Variants in ZSWIM5 observed in about 807,000 individuals in gnomAD.
ZSWIM5 encodes the protein zinc finger SWIM-type containing 5.
Under a neutral mutation model 119.6 loss-of-function variants are expected in ZSWIM5, and 55 were observed. That is an observed-to-expected ratio of 0.46 (90% confidence interval 0.37 to 0.58). The LOEUF (loss-of-function observed/expected upper bound fraction) is 0.58. ZSWIM5 is among the 20% of genes least tolerant of loss of function. The pLI is 0.00. For synonymous variants in ZSWIM5, 537 were observed against 606.9 expected (o/e 0.88, Z 1.69); for missense variants, 1,193 against 1,512.8 (o/e 0.79, Z 3.51).
chr1:45,146,776 C>T (rs1645764454), intron 1 of ZSWIM5, among the ~76,000 whole-genome samples: 1 of 152,024 alleles, frequency 6.6e-6, no homozygotes, highest in Non-Finnish European at 1.5e-5. Context: ...ACTATAAGCT[C>T]CATTGGCCAG....
intron 11 of ZSWIM5, among the ~76,000 whole-genome samples, chr1:45,034,074 C>T (rs1644968282): frequency 1.3e-5 from 2 of 152,110 alleles, no homozygotes; most frequent in Non-Finnish European, 2.9e-5. Context: ...AGGATGGTCT[C>T]GATCTCTTGA....
At chr1:45,080,224 C>T (rs1050077540) in intron 2 of ZSWIM5, among the ~76,000 whole-genome samples, 27 of 152,296 alleles carry the variant, frequency 1.8e-4, no homozygotes, top group African/African-American at 6.3e-4. Flanking sequence ...GTCCTTGCGG[C>T]CTAGACTGCC....
intron 1 of ZSWIM5, among the ~76,000 whole-genome samples, chr1:45,192,953 CT>C (rs1646100940): frequency 6.6e-6 from 1 of 152,110 alleles, no homozygotes; most frequent in Non-Finnish European, 1.5e-5. Flanking sequence ...TACATTGTCT[CT>C]GGAGAAATGT....
intron 1 of ZSWIM5, among the ~76,000 whole-genome samples, chr1:45,090,131 G>A (rs1645356605): frequency 6.6e-6 from 1 of 152,082 alleles, no homozygotes; most frequent in African/African-American, 2.4e-5. Flanking sequence ...GACAGTTATG[G>A]TTAATTAAAA....
intron 1 of ZSWIM5, among the ~76,000 whole-genome samples, chr1:45,196,477 G>A (rs1428687325): frequency 2.3e-5 from 3 of 130,542 alleles, no homozygotes; most frequent in Admixed American, 9.4e-5. Context: ...TGCAAGTTCC[G>A]CCTCCTGGGC....
At chr1:45,039,144 C>T in intron 7 of ZSWIM5, 71 bp from the exon 8 acceptor site, 1 of 1,559,924 alleles carries the variant, frequency 6.4e-7, no homozygotes. Context: ...CCTGGGTCTT[C>T]TTATCAGTCT....
chr1:45,133,621 C>T (rs1031950470), intron 1 of ZSWIM5, among the ~76,000 whole-genome samples: 1 of 152,160 alleles, frequency 6.6e-6, no homozygotes, highest in Non-Finnish European at 1.5e-5. Flanking sequence ...TTAATTAGAT[C>T]CCATTTGTCA....
intron 2 of ZSWIM5, among the ~76,000 whole-genome samples, chr1:45,063,531 C>G (rs957097964): frequency 6.6e-6 from 1 of 152,104 alleles, no homozygotes; most frequent in African/African-American, 2.4e-5. Context: ...CTTGTCTTCC[C>G]CTACACTTAT....
intron 2 of ZSWIM5, among the ~76,000 whole-genome samples, chr1:45,085,648 C>T (rs1198152718): frequency 6.6e-6 from 1 of 151,298 alleles, no homozygotes; most frequent in Non-Finnish European, 1.5e-5. Context: ...TCATCACTCT[C>T]AAGTTCAAAG....
chr1:45,161,970 C>T (rs1431400603), intron 1 of ZSWIM5, among the ~76,000 whole-genome samples: 1 of 152,158 alleles, frequency 6.6e-6, no homozygotes, highest in Non-Finnish European at 1.5e-5. Flanking sequence ...GCTCTAATGC[C>T]ACTTTTTAGG....
intron 1 of ZSWIM5, among the ~76,000 whole-genome samples, chr1:45,120,787 T>C (rs1570120945): frequency 6.6e-6 from 1 of 152,086 alleles, no homozygotes; most frequent in Non-Finnish European, 1.5e-5. Context: ...ACAGGGGCTA[T>C]TTCATTCTCC....
chr1:45,031,271 T>C (rs916955615), intron 11 of ZSWIM5, among the ~76,000 whole-genome samples: 12 of 146,496 alleles, frequency 8.2e-5, no homozygotes, highest in African/African-American at 3.0e-4. Flanking sequence ...CCACCTCCTG[T>C]GTTCAGATGA....
At chr1:45,024,641 AATT>A (rs3074635) in intron 11 of ZSWIM5, among the ~76,000 whole-genome samples, 2 of 150,662 alleles carry the variant, frequency 1.3e-5, no homozygotes, top group Non-Finnish European at 2.9e-5. Flanking sequence ...TATCCTCTAG[AATT>A]ATTATTATTA....
At position 45,019,811 on chromosome 1, in the gene ZSWIM5, C is replaced by A. The variant is rs1353030123; in HGVS notation, c.2695+255G>T. Among the ~76,000 whole-genome samples the A allele has an allele frequency of 2.6e-5, 4 of 152,196 alleles. No homozygotes were observed. Among genetic ancestry groups the A allele is most frequent in the Admixed American group, 1.3e-4 (2 of 15,280 alleles). ...CTTGAGTAGCAACTGAAAATTCATT[C>A]TCTTAGACATGTCTCTGTTGAGAGG... On this transcript the variant is annotated intron_variant, in intron 13 of 13. Coordinates refer to ENST00000359600, the MANE Select transcript of ZSWIM5 (RefSeq NM_020883.2). This position sits in a 1 kb window ranked among gnomAD's most constrained non-coding sequence, Gnocchi z 5.0.
intron 1 of ZSWIM5, among the ~76,000 whole-genome samples, chr1:45,183,719 T>C (rs907010143): frequency 2.0e-5 from 3 of 152,198 alleles, no homozygotes; most frequent in African/African-American, 4.8e-5. Context: ...AATCTCTGAA[T>C]AGACCAATAA....
At chr1:45,025,659 A>C (rs1007369844) in intron 11 of ZSWIM5, among the ~76,000 whole-genome samples, 6 of 152,182 alleles carry the variant, frequency 3.9e-5, no homozygotes, top group African/African-American at 1.4e-4. Flanking sequence ...TTGTATATTA[A>C]TCTTATATAC....
At chr1:45,021,590 A>G (rs1476155351) in intron 11 of ZSWIM5, among the ~76,000 whole-genome samples, 1 of 152,256 alleles carries the variant, frequency 6.6e-6, no homozygotes, top group Non-Finnish European at 1.5e-5. Context: ...AAATACATTA[A>G]GTAAAGATAA....
chr1:45,157,027 G>T (rs552921196), intron 1 of ZSWIM5, among the ~76,000 whole-genome samples: 125 of 152,136 alleles, frequency 8.2e-4, no homozygotes, highest in Middle Eastern at 3.4e-3. Context: ...ATCCCAGAAA[G>T]TTCCCTCATG....
At chr1:45,201,365 T>C (rs2149057639) in intron 1 of ZSWIM5, among the ~76,000 whole-genome samples, 1 of 152,322 alleles carries the variant, frequency 6.6e-6, no homozygotes, top group East Asian at 1.9e-4. Context: ...GTAATATATA[T>C]GTTTCTCTTG....
Sources: gnomAD v4.1 joint callset for allele counts (sites outside exome capture counted in the v4.1 genomes callset) on GRCh38, gnomAD v4.1.1 for gene constraint, Gnocchi (gnomAD v3.1) non-coding constraint, MANE v1.5 for transcripts, NCBI Gene and HGNC (gene_info 2026-07-23, HGNC 2026-07-21) for gene names.